Variants in LTBP1 observed in about 807,000 individuals in gnomAD.
LTBP1 encodes latent-transforming growth factor beta-binding protein 1.
A neutral mutation model predicts 207.6 loss-of-function variants in LTBP1; 129 were observed. The ratio of observed to expected loss-of-function variants is 0.62; its 90% confidence interval spans 0.54 to 0.72. LTBP1 has a LOEUF of 0.72. Ranked by LOEUF, LTBP1 falls within the 30% of genes least tolerant of loss-of-function variation. The probability of loss-of-function intolerance (pLI) is 0.00; values close to 1 mark genes in which losing one functional copy is unlikely to be tolerated. For missense variants in LTBP1, 2,281 were observed against 2,217.2 expected, an observed-to-expected ratio of 1.03 and a Z score of -0.58; for synonymous variants, 963 against 833.7, an observed-to-expected ratio of 1.16 and a Z score of -2.67.
intron 24 of LTBP1, among the ~76,000 whole-genome samples, chr2:33,339,656 T>A (rs1352105423): frequency 6.6e-6 from 1 of 152,118 alleles, no homozygotes; most frequent in East Asian, 1.9e-4. Context: ...TTGTCCTTTT[T>A]TTTTTTGAGA....
At chr2:33,310,717 A>G (rs1042296204) in intron 23 of LTBP1, among the ~76,000 whole-genome samples, 1 of 152,206 alleles carries the variant, frequency 6.6e-6, no homozygotes, top group Non-Finnish European at 1.5e-5. Flanking sequence ...AAGGTAGCCC[A>G]TTGAGTCATT....
At chr2:33,351,029 A>G (rs1278897630) in intron 26 of LTBP1, among the ~76,000 whole-genome samples, 2 of 152,210 alleles carry the variant, frequency 1.3e-5, no homozygotes, top group Non-Finnish European at 2.9e-5. Context: ...ACTTTAAGAC[A>G]AGCAAACAAA....
intron 5 of LTBP1, among the ~76,000 whole-genome samples, chr2:33,182,836 A>G (rs1292695027): frequency 6.6e-6 from 1 of 151,218 alleles, no homozygotes. Context: ...AATCAATTTA[A>G]AAATGATGAG....
At chr2:33,103,586 C>CGTGTGTGTGTGTGTGTGTGTGTGT (rs71407500) in intron 3 of LTBP1, among the ~76,000 whole-genome samples, 27 of 118,140 alleles carry the variant, frequency 2.3e-4, no homozygotes, top group Admixed American at 4.1e-4. Context: ...TCTCCGTTTA[C>CGTGTGTGTGTGTGTGTGTGTGTGT]GTGTGTGTGT....
At chr2:33,029,978 T>A (rs949744291) in intron 3 of LTBP1, among the ~76,000 whole-genome samples, 2 of 152,170 alleles carry the variant, frequency 1.3e-5, no homozygotes, top group African/African-American at 4.8e-5. Context: ...TTCCCAAATG[T>A]TTAGAATTAG....
intron 2 of LTBP1, among the ~76,000 whole-genome samples, chr2:32,983,996 A>G (rs1177616854): frequency 6.6e-6 from 1 of 152,194 alleles, no homozygotes; most frequent in Non-Finnish European, 1.5e-5. Context: ...TTCATCTAAG[A>G]CACTTGTTTT....
At chr2:33,188,283 T>C (rs1037152340) in intron 6 of LTBP1, among the ~76,000 whole-genome samples, 4 of 151,870 alleles carry the variant, frequency 2.6e-5, no homozygotes, top group African/African-American at 9.7e-5. Flanking sequence ...TAGCCAGGCA[T>C]GGTGGTGGGC....
At chr2:32,950,146 T>C (rs1676878218) in intron 2 of LTBP1, among the ~76,000 whole-genome samples, 1 of 152,198 alleles carries the variant, frequency 6.6e-6, no homozygotes, top group Non-Finnish European at 1.5e-5. Context: ...ATGTCCCCTC[T>C]CCCCTCAGTA....
intron 7 of LTBP1, among the ~76,000 whole-genome samples, chr2:33,202,754 C>T (rs936735222): frequency 7.2e-5 from 11 of 152,220 alleles, no homozygotes; most frequent in Admixed American, 3.3e-4. Flanking sequence ...TCCTCCCCAT[C>T]GCCTAAGGCC....
chr2:33,172,962 C>G (rs2148473961), intron 5 of LTBP1, among the ~76,000 whole-genome samples: 1 of 151,952 alleles, frequency 6.6e-6, no homozygotes, highest in Admixed American at 6.5e-5. Context: ...CCAACGAGAA[C>G]AAAGACACAA....
intron 2 of LTBP1, among the ~76,000 whole-genome samples, chr2:32,953,350 T>A (rs62135700): frequency 0.044 from 6,742 of 152,182 alleles, 163 homozygotes; most frequent in Middle Eastern, 0.054. Flanking sequence ...CCAGAGTGAT[T>A]ATATATTTTT....
chr2:33,369,136 T>G (rs1393502607), intron 31 of LTBP1, among the ~76,000 whole-genome samples: 2 of 152,084 alleles, frequency 1.3e-5, no homozygotes, highest in Non-Finnish European at 2.9e-5. Context: ...GAAGTACATA[T>G]TATATAATAT....
chr2:33,047,582 G>A lies in LTBP1; in HGVS notation c.863+26376G>A, dbSNP rs1183635433. Among the ~76,000 whole-genome samples, 3 of 152,152 alleles carry A rather than the reference G, an allele frequency of 2.0e-5. No homozygotes were observed. The South Asian group carries it at 6.2e-4, about 32-fold the overall frequency. Reference sequence around the variant, plus strand: ...AGTGCAATGTGGTGCTGAGAAGATTGTATATTCTGTTGATTTGGGGTGGAG... The same window carrying A: ...AGTGCAATGTGGTGCTGAGAAGATTATATATTCTGTTGATTTGGGGTGGAG... On this transcript the variant is annotated intron_variant, in intron 3 of 33. Coordinates refer to ENST00000404816, the MANE Select transcript of LTBP1 (RefSeq NM_206943.4).
chr2:33,344,632 C>T (rs1472074442), intron 25 of LTBP1, among the ~76,000 whole-genome samples: 1 of 152,174 alleles, frequency 6.6e-6, no homozygotes, highest in Non-Finnish European at 1.5e-5. Context: ...GAGCTGTGAC[C>T]TCTGCTTCCA....
chr2:33,257,138 G>A, intron 11 of LTBP1, 146 bp from the exon 12 acceptor site: 1 of 624,158 alleles, frequency 1.6e-6, no homozygotes, highest in South Asian at 2.6e-5. Flanking sequence ...CGAGCAATTT[G>A]CTTACATTTT....
chr2:33,354,709 CACACACACACACACACACA>C (rs1559058107), intron 26 of LTBP1, among the ~76,000 whole-genome samples: 7 of 131,748 alleles, frequency 5.3e-5, no homozygotes, highest in Non-Finnish European at 1.1e-4. Context: ...CACACACACA[CACACACACACACACACACA>C]CCATTGTATC....
At chr2:33,067,885 T>A (rs185071382) in intron 3 of LTBP1, among the ~76,000 whole-genome samples, 3 of 152,302 alleles carry the variant, frequency 2.0e-5, no homozygotes, top group African/African-American at 7.2e-5. Flanking sequence ...AAAATCTATT[T>A]AACTGTGCAG....
At chr2:32,965,455 A>T (rs1558447446) in intron 2 of LTBP1, among the ~76,000 whole-genome samples, 1 of 152,180 alleles carries the variant, frequency 6.6e-6, no homozygotes. Flanking sequence ...CACTGCCCTA[A>T]AAATCCTCTG....
chr2:33,110,864 T>TA (rs2080361212), intron 4 of LTBP1, 113 bp downstream of exon 4: 1 of 1,023,126 alleles, frequency 9.8e-7, no homozygotes, highest in Non-Finnish European at 1.4e-6. Flanking sequence ...CAAGAGTCAT[T>TA]AAAAAATCCA....
Sources: gnomAD v4.1 joint callset for allele counts (sites outside exome capture counted in the v4.1 genomes callset) on GRCh38, gnomAD v4.1.1 for gene constraint, MANE v1.5 for transcripts, NCBI Gene and HGNC (gene_info 2026-07-23, HGNC 2026-07-21) for gene names.